ESRRG: variants seen among roughly 807,000 people sequenced by gnomAD.
ESRRG encodes the protein estrogen related receptor gamma.
A neutral mutation model predicts 44.0 loss-of-function variants in ESRRG; 13 were observed. The ratio of observed to expected loss-of-function variants is 0.30; its 90% CI spans 0.19 to 0.47. The LOEUF (loss-of-function observed/expected upper bound fraction) is 0.47, where lower values mean the gene tolerates loss of function less well. ESRRG is among the 20% of genes least tolerant of loss of function. The probability of loss-of-function intolerance (pLI) is 1.00; values close to 1 mark genes in which losing one functional copy is unlikely to be tolerated. For synonymous variants in ESRRG, 215 were observed against 214.6 expected (o/e 1.00, Z -0.02); for missense variants, 395 against 580.6 (o/e 0.68, Z 3.29).
At chr1:216,851,113 A>G (rs2095836474) in intron 2 of ESRRG, among the ~76,000 whole-genome samples, 1 of 151,250 alleles carries the variant, frequency 6.6e-6, no homozygotes, top group African/African-American at 2.4e-5. Context: ...CCTATCAGAT[A>G]TCGTGAGTAT....
intron 5 of ESRRG, among the ~76,000 whole-genome samples, chr1:216,552,937 A>C (rs996214481): frequency 6.6e-6 from 1 of 152,188 alleles, no homozygotes; most frequent in African/African-American, 2.4e-5. Context: ...AAGCTGAAAA[A>C]TCTGAAGTAA....
chr1:216,885,109 T>A (rs1229640406), intron 2 of ESRRG, among the ~76,000 whole-genome samples: 1 of 150,928 alleles, frequency 6.6e-6, no homozygotes, highest in African/African-American at 2.5e-5. Context: ...GCTAGATGAC[T>A]TATGGTTCAG....
chr1:216,601,133 T>G (rs2059173039), intron 3 of ESRRG, among the ~76,000 whole-genome samples: 1 of 152,028 alleles, frequency 6.6e-6, no homozygotes, highest in Non-Finnish European at 1.5e-5. Flanking sequence ...CGCGGGCTCC[T>G]GCCCACTGCC....
intron 1 of ESRRG, among the ~76,000 whole-genome samples, chr1:216,688,178 G>A (rs143449765): frequency 0.01 from 1,565 of 152,222 alleles, 27 homozygotes; most frequent in African/African-American, 0.036. Context: ...GAAAGCAGGC[G>A]AGCCTGCTTT....
intron 1 of ESRRG, among the ~76,000 whole-genome samples, chr1:216,972,686 C>T (rs528210361): frequency 6.6e-6 from 1 of 152,298 alleles, no homozygotes; most frequent in South Asian, 2.1e-4. Context: ...TAAGTGTCTG[C>T]TCTGCCAATG....
chr1:216,880,318 A>G (rs2096425744), intron 2 of ESRRG, among the ~76,000 whole-genome samples: 1 of 150,286 alleles, frequency 6.7e-6, no homozygotes, highest in South Asian at 2.1e-4. Context: ...AAAAAAAAAA[A>G]AAAAAAAAAA....
intron 1 of ESRRG, among the ~76,000 whole-genome samples, chr1:216,943,974 T>C (rs1426903730): frequency 1.3e-5 from 2 of 152,108 alleles, no homozygotes; most frequent in Non-Finnish European, 2.9e-5. Context: ...CTTGCTCTAT[T>C]AAGAGATAAA....
chr1:216,817,092 T>C (rs915698141), intron 2 of ESRRG, among the ~76,000 whole-genome samples: 1 of 149,952 alleles, frequency 6.7e-6, no homozygotes, highest in African/African-American at 2.5e-5. Flanking sequence ...TGTGGGTCAA[T>C]ATGGAGCAGA....
intron 1 of ESRRG, among the ~76,000 whole-genome samples, chr1:217,112,523 G>T (rs188260355): frequency 6.8e-4 from 104 of 152,270 alleles, no homozygotes; most frequent in African/African-American, 2.4e-3. Flanking sequence ...GTACCTAAAG[G>T]TCTTCAGGAT....
At chr1:216,614,208 T>C (rs866217578) in intron 3 of ESRRG, among the ~76,000 whole-genome samples, 1 of 152,204 alleles carries the variant, frequency 6.6e-6, no homozygotes, top group Non-Finnish European at 1.5e-5. Flanking sequence ...GTGGCGGAGA[T>C]GGAGGGCCTT....
intron 2 of ESRRG, among the ~76,000 whole-genome samples, chr1:216,819,234 C>G (rs969352208): frequency 1.3e-5 from 2 of 152,172 alleles, no homozygotes; most frequent in Non-Finnish European, 2.9e-5. Flanking sequence ...TTCTCCACAA[C>G]CACAACTCGC....
At chr1:216,611,750 G>C (rs543648192) in intron 3 of ESRRG, among the ~76,000 whole-genome samples, 1 of 150,880 alleles carries the variant, frequency 6.6e-6, no homozygotes, top group Non-Finnish European at 1.5e-5. Flanking sequence ...TACTGTGCTA[G>C]AGGTATGTAA....
chr1:217,096,387 C>T (rs2092423150), intron 1 of ESRRG, among the ~76,000 whole-genome samples: 1 of 152,194 alleles, frequency 6.6e-6, no homozygotes, highest in Admixed American at 6.5e-5. Context: ...GTTGCTGAAC[C>T]AGCAGAGGAA....
At chr1:216,926,881 GC>G (rs2062661913) in intron 2 of ESRRG, among the ~76,000 whole-genome samples, 1 of 152,208 alleles carries the variant, frequency 6.6e-6, no homozygotes, top group Admixed American at 6.5e-5. Context: ...AATGCTGAAT[GC>G]TGAATGCAGC....
chr1:216,789,406 T>G lies in ESRRG; in HGVS notation c.-13-111915A>C, dbSNP rs115113521. On this transcript the variant is annotated intron_variant, in intron 2 of 7. Transcript: ENST00000359162. The stretch of plus-strand genomic sequence containing the variant: ...ATCATTAGCATTTTTAGCAATAAAA[T>G]ATTTAAAACTTAAGGCATGGATGTT... 8.7e-3 allele frequency among the ~76,000 whole-genome samples: 1,328 copies of G among 152,258 alleles called. 24 individuals carry two copies. The highest frequency in any genetic ancestry group is 0.031 in the African/African-American group (1,280 of 41,556).
chr1:216,646,902 C>T (rs2067717006), intron 3 of ESRRG, among the ~76,000 whole-genome samples: 1 of 152,070 alleles, frequency 6.6e-6, no homozygotes, highest in South Asian at 2.1e-4. Context: ...CTTTTGCTCA[C>T]CTGCAAATGT....
At chr1:216,622,309 G>A (rs902910202) in intron 3 of ESRRG, among the ~76,000 whole-genome samples, 6 of 152,098 alleles carry the variant, frequency 3.9e-5, no homozygotes, top group African/African-American at 1.4e-4. Flanking sequence ...ACTTCCAAAG[G>A]ACTGCTTAAA....
intron 1 of ESRRG, among the ~76,000 whole-genome samples, chr1:217,080,913 G>A (rs1444523929): frequency 4.0e-5 from 6 of 151,852 alleles, no homozygotes; most frequent in African/African-American, 1.2e-4. Context: ...TCCTGACCTC[G>A]TGATCCGCCC....
chr1:216,553,371 G>C (rs2056851741), intron 5 of ESRRG, among the ~76,000 whole-genome samples: 1 of 152,110 alleles, frequency 6.6e-6, no homozygotes, highest in Non-Finnish European at 1.5e-5. Context: ...ATTTAATTGG[G>C]CTCAGATGAT....
Sources: gnomAD v4.1 joint callset for allele counts (sites outside exome capture counted in the v4.1 genomes callset) on GRCh38, gnomAD v4.1.1 for gene constraint, MANE v1.5 for transcripts, NCBI Gene and HGNC (gene_info 2026-07-23, HGNC 2026-07-21) for gene names.